Variants in PLCB1 observed in about 807,000 individuals in gnomAD.
PLCB1 encodes the protein phospholipase C beta 1.
A neutral mutation model predicts 161.8 loss-of-function variants in PLCB1; 46 were observed. The observed-to-expected ratio is 0.28, with a 90% confidence interval of 0.22 to 0.36. PLCB1 has a LOEUF of 0.36. PLCB1 is among the 10% of genes least tolerant of loss of function. The pLI is 1.00. For synonymous variants in PLCB1, 517 were observed against 503.7 expected (o/e 1.03, Z -0.35); for missense variants, 1,016 against 1,472.5 (o/e 0.69, Z 5.07).
intron 3 of PLCB1, among the ~76,000 whole-genome samples, chr20:8,501,815 T>C (rs1262855692): frequency 6.7e-6 from 1 of 149,480 alleles, no homozygotes; most frequent in Non-Finnish European, 1.5e-5. Context: ...GCAGGAGCAG[T>C]GTATATAGTA....
intron 3 of PLCB1, among the ~76,000 whole-genome samples, chr20:8,449,861 C>T (rs1473436977): frequency 2.0e-5 from 3 of 152,162 alleles, no homozygotes; most frequent in Admixed American, 6.5e-5. Context: ...AGAACACACA[C>T]GTTACTGCTA....
intron 3 of PLCB1, among the ~76,000 whole-genome samples, chr20:8,398,854 C>T (rs1012065169): frequency 2.0e-5 from 3 of 151,436 alleles, no homozygotes; most frequent in Admixed American, 6.6e-5. Flanking sequence ...AGCTCTCTAT[C>T]GTACCCTAGA....
chr20:8,649,648 TG>T, intron 7 of PLCB1, 199 bp downstream of exon 7: 1 of 552,722 alleles, frequency 1.8e-6, no homozygotes, highest in Non-Finnish European at 3.3e-6. Flanking sequence ...AAAACAGACC[TG>T]AGCTAGCATG....
At chr20:8,729,217 C>T (rs1250395911) in intron 18 of PLCB1, 43 bp downstream of exon 18, 16 of 1,506,662 alleles carry the variant, frequency 1.1e-5, no homozygotes, top group Non-Finnish European at 1.4e-5. Context: ...ACTCACATTG[C>T]CAAGTGTCCA....
intron 3 of PLCB1, among the ~76,000 whole-genome samples, chr20:8,563,795 GAAGGACCCCTTC>G (rs972841940): frequency 6.6e-6 from 1 of 152,072 alleles, no homozygotes; most frequent in Non-Finnish European, 1.5e-5. Context: ...CAAGGGATGT[GAAGGACCCCTTC>G]AAGGAGAACT....
intron 31 of PLCB1, among the ~76,000 whole-genome samples, chr20:8,804,610 C>T (rs1482392812): frequency 6.6e-6 from 1 of 152,092 alleles, no homozygotes; most frequent in Non-Finnish European, 1.5e-5. Context: ...TTTAATATTT[C>T]CCCAAATGTT....
intron 2 of PLCB1, among the ~76,000 whole-genome samples, chr20:8,239,172 T>A (rs1260272980): frequency 2.0e-5 from 3 of 151,908 alleles, no homozygotes; most frequent in Non-Finnish European, 4.4e-5. Context: ...AGAGCTAGGA[T>A]GAGACTGAGG....
At chr20:8,208,707 C>T (rs1180860513) in intron 2 of PLCB1, among the ~76,000 whole-genome samples, 2 of 151,990 alleles carry the variant, frequency 1.3e-5, no homozygotes, top group African/African-American at 2.4e-5. Flanking sequence ...GGTGCACATA[C>T]ACAAACATAA....
At chr20:8,693,462 G>T (rs1269088846) in intron 10 of PLCB1, among the ~76,000 whole-genome samples, 1 of 152,148 alleles carries the variant, frequency 6.6e-6, no homozygotes, top group Non-Finnish European at 1.5e-5. Context: ...TACATTCTCT[G>T]CATTTTGGAC....
At chr20:8,568,498 A>T (rs1205074626) in intron 3 of PLCB1, among the ~76,000 whole-genome samples, 2 of 152,224 alleles carry the variant, frequency 1.3e-5, no homozygotes, top group South Asian at 2.1e-4. Context: ...CTGAATCCAC[A>T]TATAGAATGA....
intron 3 of PLCB1, among the ~76,000 whole-genome samples, chr20:8,440,792 G>T (rs1001433554): frequency 4.0e-5 from 6 of 151,470 alleles, no homozygotes; most frequent in Non-Finnish European, 1.5e-5. Context: ...CTAGAAGGAG[G>T]ATATTTAATG....
At chr20:8,582,839 A>G (rs1442079185) in intron 3 of PLCB1, among the ~76,000 whole-genome samples, 1 of 152,062 alleles carries the variant, frequency 6.6e-6, no homozygotes, top group South Asian at 2.1e-4. Context: ...AATACAAAAA[A>G]TTAGCCGGAC....
intron 3 of PLCB1, among the ~76,000 whole-genome samples, chr20:8,611,525 A>G (rs1987903241): frequency 6.6e-6 from 1 of 152,174 alleles, no homozygotes; most frequent in Admixed American, 6.5e-5. Context: ...TTTTAATAAT[A>G]AAAAGGTCCT....
chr20:8,797,976 T>C (rs1448395113), intron 31 of PLCB1, among the ~76,000 whole-genome samples: 1 of 152,186 alleles, frequency 6.6e-6, no homozygotes. Flanking sequence ...GCAGGATCAC[T>C]TGAGGTCAGG....
intron 4 of PLCB1, among the ~76,000 whole-genome samples, chr20:8,645,083 G>A (rs528545555): frequency 1.7e-3 from 266 of 152,078 alleles, no homozygotes; most frequent in Admixed American, 4.2e-3. Flanking sequence ...TAAGGGCGGT[G>A]CAAGATGTGC....
chr20:8,496,259 G>A (rs6055865), intron 3 of PLCB1, among the ~76,000 whole-genome samples: 1,730 of 151,468 alleles, frequency 0.011, 31 homozygotes, highest in African/African-American at 0.038. Context: ...TCGGGAGGCC[G>A]AGGTGGGTGG....
At chr20:8,249,351 A>G (rs1374763720) in intron 2 of PLCB1, 1 of 151,950 alleles carries the variant, frequency 6.6e-6, no homozygotes, top group African/African-American at 2.4e-5. Flanking sequence ...AGAGATTAGA[A>G]ATTGCTAATA....
chr20:8,572,002 A>G (rs1986537506), intron 3 of PLCB1, among the ~76,000 whole-genome samples: 1 of 152,166 alleles, frequency 6.6e-6, no homozygotes, highest in Non-Finnish European at 1.5e-5. Flanking sequence ...ATTTTTTTAA[A>G]AATTACTATT....
chr20:8,304,510 A>G (rs1355967674), intron 2 of PLCB1, among the ~76,000 whole-genome samples: 2 of 151,596 alleles, frequency 1.3e-5, no homozygotes, highest in Non-Finnish European at 2.9e-5. Context: ...AAACACAATG[A>G]ATCAAAAACC....
Sources: gnomAD v4.1 joint callset for allele counts (sites outside exome capture counted in the v4.1 genomes callset) on GRCh38, gnomAD v4.1.1 for gene constraint, MANE v1.5 for transcripts, NCBI Gene and HGNC (gene_info 2026-07-23, HGNC 2026-07-21) for gene names.